ARSJ: variants seen among roughly 807,000 people sequenced by gnomAD.
ARSJ encodes the protein arylsulfatase family member J.
Under a neutral mutation model 35.9 loss-of-function variants are expected in ARSJ, and 26 were observed. The observed-to-expected ratio is 0.72, with a 90% CI of 0.53 to 1.00. The LOEUF (loss-of-function observed/expected upper bound fraction) is 1.00. Ranked by LOEUF, ARSJ falls within the 50% of genes least tolerant of loss-of-function variation. The probability of loss-of-function intolerance (pLI) is 0.00; values close to 1 mark genes in which losing one functional copy is unlikely to be tolerated. For synonymous variants in ARSJ, 294 were observed against 267.6 expected, an observed-to-expected ratio of 1.10 and a Z score of -0.96; for missense variants, 667 against 723.6, an observed-to-expected ratio of 0.92 and a Z score of 0.90.
At chr4:113,941,475 T>C (rs1384058070) in intron 1 of ARSJ, among the ~76,000 whole-genome samples, 2 of 152,008 alleles carry the variant, frequency 1.3e-5, no homozygotes, top group African/African-American at 4.8e-5. Context: ...ACAACTTGTG[T>C]CTGGTATCAG....
Position 113,949,001 on chromosome 4 carries a change from A to G in ARSJ, c.398+29436T>C, listed in dbSNP as rs563963570. On this transcript the variant is annotated intron_variant, in intron 1 of 1. Transcript: ENST00000315366. ...TGGCACATACGCACCATGGAATACT[A>G]AGCAGCTATAAAAAAAGAATGAGTT... Among the ~76,000 whole-genome samples, 23 of 152,188 alleles carry G rather than the reference A, an allele frequency of 1.5e-4. No homozygotes were observed. The East Asian group carries it at 2.9e-3, about 19-fold the overall frequency.
intron 1 of ARSJ, among the ~76,000 whole-genome samples, chr4:113,969,832 TAGTGCCTATTAGCA>T (rs1475238661): frequency 2.0e-5 from 3 of 152,230 alleles, no homozygotes; most frequent in Non-Finnish European, 4.4e-5. Context: ...CACATTTACT[TAGTGCCTATTAGCA>T]CAAAGCACTG....
chr4:113,959,426 G>A (rs1400070482), intron 1 of ARSJ, among the ~76,000 whole-genome samples: 3 of 151,788 alleles, frequency 2.0e-5, no homozygotes, highest in African/African-American at 7.3e-5. Context: ...TAAAGCTCTC[G>A]AGACACTTCA....
chr4:113,926,526 C>A (rs955179136), intron 1 of ARSJ, among the ~76,000 whole-genome samples: 1 of 152,128 alleles, frequency 6.6e-6, no homozygotes, highest in Non-Finnish European at 1.5e-5. Flanking sequence ...ATAGAGAACT[C>A]CCCATAAGGC....
chr4:113,973,305 C>T (rs1343566236), intron 1 of ARSJ, among the ~76,000 whole-genome samples: 1 of 152,186 alleles, frequency 6.6e-6, no homozygotes, highest in East Asian at 1.9e-4. Context: ...ATGTTTTCAA[C>T]TTTCCAAGTT....
intron 1 of ARSJ, among the ~76,000 whole-genome samples, chr4:113,954,971 C>A (rs1378285568): frequency 6.6e-6 from 1 of 151,422 alleles, no homozygotes; most frequent in African/African-American, 2.4e-5. Context: ...CCTTTCTTCT[C>A]CCTCTCAATT....
chr4:113,933,522 C>T (rs921213437), intron 1 of ARSJ, among the ~76,000 whole-genome samples: 1 of 151,772 alleles, frequency 6.6e-6, no homozygotes, highest in Admixed American at 6.6e-5. Flanking sequence ...GGATTTCATC[C>T]TAGGGATGCA....
intron 1 of ARSJ, among the ~76,000 whole-genome samples, chr4:113,924,054 T>A (rs767441057): frequency 0.81 from 100,945 of 124,736 alleles, 38,900 homozygotes; most frequent in Middle Eastern, 0.87. Flanking sequence ...TAAATATATA[T>A]AAATATATAT....
At chr4:113,942,285 TAACA>T (rs34415864) in intron 1 of ARSJ, among the ~76,000 whole-genome samples, 54,778 of 151,574 alleles carry the variant, frequency 0.36, 10,672 homozygotes, top group African/African-American at 0.51. Flanking sequence ...CAAATTAATT[TAACA>T]AACAGCTTCC....
chr4:113,902,730 G>A lies in ARSJ; in HGVS notation c.1344C>T (p.Ala448=). 3.1e-6 allele frequency: 5 copies of A among 1,614,206 alleles called. No homozygotes were observed. The highest frequency in any genetic ancestry group is 4.2e-6 in the Non-Finnish European group (5 of 1,180,050). The change falls in exon 2 of 2, where the codon GCC becomes GCT. Residue 448 remains alanine, a synonymous_variant. Coordinates refer to ENST00000315366, the MANE Select transcript of ARSJ (RefSeq NM_024590.4). Reference sequence around the variant, plus strand: ...GCAATTTCCAGTGCTGCACTCTGATGGCTGACTGGATTGCAGTGTTCCAGA... The same window carrying A: ...GCAATTTCCAGTGCTGCACTCTGATAGCTGACTGGATTGCAGTGTTCCAGA... ...YGIWNTAIQS[A]IRVQHWKLLT...
intron 1 of ARSJ, among the ~76,000 whole-genome samples, chr4:113,912,107 A>G (rs1722950675): frequency 6.6e-6 from 1 of 152,216 alleles, no homozygotes; most frequent in Non-Finnish European, 1.5e-5. Flanking sequence ...TAGAGATTTG[A>G]GACTCATTAG....
chr4:113,964,994 A>G (rs1479762017), intron 1 of ARSJ, among the ~76,000 whole-genome samples: 1 of 152,162 alleles, frequency 6.6e-6, no homozygotes, highest in Non-Finnish European at 1.5e-5. Context: ...TAAACAAAAG[A>G]TTGTATAGGA....
intron 1 of ARSJ, among the ~76,000 whole-genome samples, chr4:113,927,958 G>T (rs1724182508): frequency 6.6e-6 from 1 of 152,126 alleles, no homozygotes; most frequent in African/African-American, 2.4e-5. Context: ...TACCCTACCA[G>T]TCAGGAAGCC....
chr4:113,972,241 G>A (rs1322536906), intron 1 of ARSJ, among the ~76,000 whole-genome samples: 2 of 124,576 alleles, frequency 1.6e-5, no homozygotes, highest in Non-Finnish European at 1.6e-5. Flanking sequence ...GCAATTCCAG[G>A]AAGAGGCTAT....
At chr4:113,969,292 C>T (rs1167642573) in intron 1 of ARSJ, among the ~76,000 whole-genome samples, 2 of 152,070 alleles carry the variant, frequency 1.3e-5, no homozygotes, top group Non-Finnish European at 2.9e-5. Flanking sequence ...CATCTCAGAA[C>T]TAACAATATC....
At chr4:113,953,540 T>A (rs979739815) in intron 1 of ARSJ, among the ~76,000 whole-genome samples, 1 of 151,440 alleles carries the variant, frequency 6.6e-6, no homozygotes, top group Non-Finnish European at 1.5e-5. Flanking sequence ...TCAGTGACAA[T>A]TTGAATTTCC....
chr4:113,935,210 A>G (rs1235659748), intron 1 of ARSJ, among the ~76,000 whole-genome samples: 1 of 151,916 alleles, frequency 6.6e-6, no homozygotes, highest in Admixed American at 6.6e-5. Context: ...ATAATCAGAG[A>G]AGGTGCTGTC....
chr4:113,975,135 G>A (rs1376285329), intron 1 of ARSJ, among the ~76,000 whole-genome samples: 3 of 152,134 alleles, frequency 2.0e-5, no homozygotes, highest in Non-Finnish European at 2.9e-5. Context: ...GAAACTGGGA[G>A]AGTGATTATC....
At chr4:113,940,206 A>T (rs969063606) in intron 1 of ARSJ, among the ~76,000 whole-genome samples, 2 of 152,190 alleles carry the variant, frequency 1.3e-5, no homozygotes, top group African/African-American at 4.8e-5. Flanking sequence ...TCACTGCAAC[A>T]CTATTCACAA....
Sources: allele counts gnomAD v4.1 joint callset (sites outside exome capture counted in the v4.1 genomes callset), GRCh38; gene constraint gnomAD v4.1.1; transcripts MANE v1.5; gene names NCBI Gene and HGNC (gene_info 2026-07-23, HGNC 2026-07-21).